BBOF1: variants seen among roughly 807,000 people sequenced by gnomAD.
BBOF1 encodes basal body orientation factor 1.
A neutral mutation model predicts 68.0 loss-of-function variants in BBOF1; 62 were observed. That is an observed-to-expected ratio of 0.91 (90% CI 0.74 to 1.13). The LOEUF (loss-of-function observed/expected upper bound fraction) is 1.13, where lower values mean the gene tolerates loss of function less well. Ranked by LOEUF, BBOF1 falls within the 50% of genes most tolerant of loss-of-function variation. BBOF1 has a pLI of 0.00. For missense variants in BBOF1, 534 were observed against 600.1 expected, an observed-to-expected ratio of 0.89 and a Z score of 1.15; for synonymous variants, 208 against 198.8, an observed-to-expected ratio of 1.05 and a Z score of -0.39.
chr14:74,081,851 C>T (rs1280632830), intron 12 of BBOF1, among the ~76,000 whole-genome samples: 1 of 152,102 alleles, frequency 6.6e-6, no homozygotes, highest in Non-Finnish European at 1.5e-5. Flanking sequence ...AATTTTCAGC[C>T]CCATCAGTTA....
chr14:74,030,460 T>C (rs1361000781), intron 3 of BBOF1, among the ~76,000 whole-genome samples: 1 of 152,126 alleles, frequency 6.6e-6, no homozygotes, highest in African/African-American at 2.4e-5. Context: ...AATATTTACA[T>C]GGTTCTAAAG....
intron 8 of BBOF1, among the ~76,000 whole-genome samples, chr14:74,050,843 T>C (rs2060050182): frequency 6.6e-6 from 1 of 152,020 alleles, no homozygotes; most frequent in Admixed American, 6.6e-5. Context: ...GCATGGTGGC[T>C]TACACCTGTA....
intron 11 of BBOF1, chr14:74,060,631 C>G: frequency 5.0e-6 from 8 of 1,588,370 alleles, no homozygotes; most frequent in Non-Finnish European, 6.9e-6. Context: ...CAGTCTTAAA[C>G]AAACTTGTTT....
At chr14:74,057,822 A>G in intron 11 of BBOF1, 1 of 1,034,470 alleles carries the variant, frequency 9.7e-7, no homozygotes, top group African/African-American at 1.7e-5. Context: ...TTCATCTAAG[A>G]AATAAGAAAC....
At chr14:74,061,094 C>T (rs1856357853) in intron 11 of BBOF1, among the ~76,000 whole-genome samples, 1 of 151,762 alleles carries the variant, frequency 6.6e-6, no homozygotes, top group South Asian at 2.1e-4. Flanking sequence ...TCTCCTGCCT[C>T]AGCCTCTCGA....
intron 3 of BBOF1, among the ~76,000 whole-genome samples, chr14:74,032,094 C>T (rs1009328841): frequency 6.6e-6 from 1 of 150,648 alleles, no homozygotes; most frequent in Admixed American, 6.6e-5. Flanking sequence ...ACAGCTTTAC[C>T]AACAGAGTCT....
intron 4 of BBOF1, among the ~76,000 whole-genome samples, chr14:74,035,721 C>A (rs1344194129): frequency 2.0e-5 from 3 of 150,548 alleles, no homozygotes; most frequent in Admixed American, 6.6e-5. Flanking sequence ...GCGTGAGCCA[C>A]CATGCTCAGC....
intron 10 of BBOF1, among the ~76,000 whole-genome samples, chr14:74,079,135 C>T (rs1382096959): frequency 2.6e-5 from 4 of 151,726 alleles, no homozygotes; most frequent in Non-Finnish European, 5.9e-5. Context: ...GTGATACCCA[C>T]GTAATTATCT....
chr14:74,035,083 A>C (rs1259004017), intron 4 of BBOF1, among the ~76,000 whole-genome samples: 1 of 152,080 alleles, frequency 6.6e-6, no homozygotes, highest in African/African-American at 2.4e-5. Flanking sequence ...CAGTAAGACC[A>C]TGTCTCAAAA....
intron 6 of BBOF1, among the ~76,000 whole-genome samples, chr14:74,047,048 A>T (rs1323729277): frequency 6.6e-6 from 1 of 152,228 alleles, no homozygotes; most frequent in Non-Finnish European, 1.5e-5. Flanking sequence ...ACTTTCTTGA[A>T]GTTAAATTTC....
chr14:74,081,447 T>C (rs1294268426), intron 12 of BBOF1, among the ~76,000 whole-genome samples: 2 of 152,196 alleles, frequency 1.3e-5, no homozygotes, highest in East Asian at 3.8e-4. Flanking sequence ...CTCCCTGCTG[T>C]TAAGAGGATG....
intron 4 of BBOF1, among the ~76,000 whole-genome samples, chr14:74,037,910 G>A (rs1242982685): frequency 1.3e-5 from 2 of 150,890 alleles, no homozygotes; most frequent in African/African-American, 2.4e-5. Context: ...AGCTGAGATC[G>A]TGCCATTGCA....
Position 74,057,205 on chromosome 14 carries a change from T to A in BBOF1, c.1525T>A (p.Ser509Thr). Residue 509 changes from serine to threonine, a missense_variant, in exon 11 of 12, where the codon TCT becomes ACT. Transcript: ENST00000394009. ...ITQQIAISDSSGEVVLPTIPK... is the reference protein window; with the variant it reads ...ITQQIAISDSTGEVVLPTIPK... ...CCAGCAAATTGCAATATCAGACTCT[T>A]CTGGTGAAGTGGTGCTACCCACTAT... is the stretch of plus-strand genomic sequence containing the variant. The A allele has an allele frequency of 6.2e-7, 1 of 1,614,114 alleles. No individual in the cohort carries two copies. Among genetic ancestry groups the A allele is most frequent in the Non-Finnish European group, 8.5e-7 (1 of 1,179,986 alleles).
At chr14:74,066,733 A>G (rs2060472671), downstream of BBOF1, 3 of 1,614,014 alleles carry the variant, frequency 1.9e-6, no homozygotes, top group Non-Finnish European at 2.5e-6. Flanking sequence ...GGTTGGTCCA[A>G]CAAAGTTGCC....
intron 4 of BBOF1, among the ~76,000 whole-genome samples, chr14:74,039,523 G>C (rs896266117): frequency 6.6e-6 from 1 of 152,048 alleles, no homozygotes; most frequent in Non-Finnish European, 1.5e-5. Flanking sequence ...CTGCCTCCTG[G>C]GTTCAAGCAA....
downstream of BBOF1, among the ~76,000 whole-genome samples, chr14:74,069,528 A>G (rs1199662208): frequency 6.6e-6 from 1 of 151,870 alleles, no homozygotes; most frequent in Non-Finnish European, 1.5e-5. Context: ...AGGCAGGTGG[A>G]TCACCTGAGG....
At position 74,072,590 on chromosome 14, in the gene BBOF1, C is replaced by G. The variant is rs375512025; in HGVS notation, n.1380-5606C>G. ...CTTTTGGATTCAACGAATTTCCCAC[C>G]AATGAAGAGCTTTACAGTTGGCTGA... is the stretch of plus-strand genomic sequence containing the variant. On this transcript the variant is annotated intron_variant and non_coding_transcript_variant, in intron 9 of 12. Transcript: ENST00000492026. The G allele has an allele frequency of 3.7e-6, 6 of 1,613,768 alleles. No individual in the cohort carries two copies. In the African/African-American group the frequency reaches 6.7e-5, roughly 18 times the overall value.
At chr14:74,028,242 G>T (rs2059478783) in intron 2 of BBOF1, among the ~76,000 whole-genome samples, 1 of 152,036 alleles carries the variant, frequency 6.6e-6, no homozygotes, top group South Asian at 2.1e-4. Flanking sequence ...GGTGGCGCAT[G>T]CCTATAGTCC....
chr14:74,072,265 T>A (rs1214781955), intron 9 of BBOF1: 1 of 1,614,206 alleles, frequency 6.2e-7, no homozygotes, highest in Non-Finnish European at 8.5e-7. Context: ...AATACTGAAG[T>A]GTCTGCCCAT....
Sources: allele counts gnomAD v4.1 joint callset (sites outside exome capture counted in the v4.1 genomes callset), GRCh38; gene constraint gnomAD v4.1.1; transcripts MANE v1.5; gene names NCBI Gene and HGNC (gene_info 2026-07-23, HGNC 2026-07-21).